The following HOTAIR variants were observed in gnomAD, a reference collection of about 807,000 sequenced individuals.
HOTAIR encodes HOX transcript antisense RNA.
At chr12:53,969,069 G>A (rs776422714) in intron 1 of HOTAIR, among the ~76,000 whole-genome samples, 9 of 152,218 alleles carry the variant, frequency 5.9e-5, no homozygotes, top group East Asian at 1.9e-4. Context: ...TCAGGGCTCC[G>A]GCCAACCCGC....
At chr12:53,969,807 C>T (rs1939118441) in intron 1 of HOTAIR, among the ~76,000 whole-genome samples, 1 of 152,184 alleles carries the variant, frequency 6.6e-6, no homozygotes, top group Admixed American at 6.5e-5. Context: ...TATGTGGGCC[C>T]CATTTCTTCT....
rs1939186144 is a variant in HOTAIR at position 53,973,504 on chromosome 12, G to T, written n.59+1394C>A. On this transcript the variant is annotated intron_variant and non_coding_transcript_variant, in intron 1 of 6. Transcript: ENST00000424518. This position sits in a 1 kb window ranked among gnomAD's most constrained non-coding sequence, Gnocchi z 4.3. Reference sequence around the variant, plus strand: ...TCCGGCAAGTGGCACCATCGGAACAGCTACTCCTCCTGCTATGCGGCGGCC... The same window carrying T: ...TCCGGCAAGTGGCACCATCGGAACATCTACTCCTCCTGCTATGCGGCGGCC... 6.2e-7 allele frequency: 1 copy of T among 1,613,914 alleles called. No homozygotes were observed. The highest frequency in any genetic ancestry group is 8.5e-7 in the Non-Finnish European group (1 of 1,180,036).
intron 1 of HOTAIR, chr12:53,974,063 A>T (rs992962178): frequency 3.1e-5 from 19 of 604,548 alleles, no homozygotes; most frequent in Non-Finnish European, 1.8e-5. Context: ...TTTTATAAGC[A>T]TTCAAAGGAT....
intron 1 of HOTAIR, among the ~76,000 whole-genome samples, chr12:53,969,711 G>A (rs756132801): frequency 5.9e-5 from 9 of 152,242 alleles, no homozygotes; most frequent in Non-Finnish European, 1.0e-4. Context: ...GTGAACAAAC[G>A]AGAGCGTCCA....
In HOTAIR at chr12:53,973,335, C is replaced by T. The variant is rs757003417; in HGVS notation, n.59+1563G>A. 1 of 1,614,138 alleles carries T rather than the reference C, an allele frequency of 6.2e-7. No individual in the cohort carries two copies. The highest frequency in any genetic ancestry group is 8.5e-7 in the Non-Finnish European group (1 of 1,180,016). On this transcript the variant is annotated intron_variant and non_coding_transcript_variant, in intron 1 of 6. Coordinates refer to ENST00000424518, the Ensembl canonical transcript of HOTAIR. The surrounding 1 kb of genome is among the most constrained non-coding windows in gnomAD (Gnocchi z 4.3). ...CGAGCGAGGGAGCTGCGCCTCCAACCTCTATCTGCCCAGTTGCACTTACTA... is the reference window on the plus strand; with the variant it reads ...CGAGCGAGGGAGCTGCGCCTCCAACTTCTATCTGCCCAGTTGCACTTACTA...
At chr12:53,969,092 G>A (rs1400904796) in intron 1 of HOTAIR, among the ~76,000 whole-genome samples, 1 of 152,240 alleles carries the variant, frequency 6.6e-6, no homozygotes, top group Non-Finnish European at 1.5e-5. Context: ...CTGCTCTGTG[G>A]TGAGGCGGGA....
chr12:53,974,871 A>C, intron 1 of HOTAIR: 1 of 283,106 alleles, frequency 3.5e-6, no homozygotes, highest in Non-Finnish European at 6.5e-6. Context: ...GGGAGCAGAC[A>C]GGGGGCCCGA....
rs954070060 is a variant in HOTAIR, at chr12:53,973,003, T to C, written n.59+1895A>G. On this transcript the variant is annotated intron_variant and non_coding_transcript_variant, in intron 1 of 6. Transcript: ENST00000424518. This position sits in a 1 kb window ranked among gnomAD's most constrained non-coding sequence, Gnocchi z 4.3. ...AATACAAATCTGCAATTGATTTTCA[T>C]AATGTTTCTGCGGTGTTTGCAAACC... 1.4e-5 allele frequency: 5 copies of C among 363,026 alleles called. No individual in the cohort carries two copies. The highest frequency in any genetic ancestry group is 1.1e-4 in the African/African-American group (5 of 47,004). The allele number at this position is 363,026 out of a possible 1,614,324, so 22.5% of individuals were successfully genotyped here. A position where few individuals can be genotyped will look rare whatever the true frequency, so the allele number is the denominator to read the frequency against.
chr12:53,971,134 A>T (rs1290065427), intron 1 of HOTAIR, among the ~76,000 whole-genome samples: 2 of 151,868 alleles, frequency 1.3e-5, no homozygotes, highest in African/African-American at 4.8e-5. Flanking sequence ...GCCCCATCTC[A>T]CTCTATAAAA....
At chr12:53,964,037 T>C (rs1247168509) in exon 7 of HOTAIR, 1 of 152,310 alleles carries the variant, frequency 6.6e-6, no homozygotes. Flanking sequence ...TTCACCTTCG[T>C]CTGGCGCTCT....
chr12:53,969,429 G>A (rs891272666), intron 1 of HOTAIR, among the ~76,000 whole-genome samples: 13 of 152,140 alleles, frequency 8.5e-5, no homozygotes, highest in African/African-American at 2.9e-4. Flanking sequence ...TCTGAGCAGC[G>A]TCCACCAGCT....
exon 7 of HOTAIR, chr12:53,962,372 G>A (rs554496458): frequency 3.7e-4 from 57 of 152,186 alleles, no homozygotes; most frequent in African/African-American, 1.3e-3. Context: ...ACCTACACAA[G>A]GAATGTGCAG....
At chr12:53,963,644 G>A (rs1938996037) in exon 7 of HOTAIR, 1 of 152,262 alleles carries the variant, frequency 6.6e-6, no homozygotes, top group Non-Finnish European at 1.5e-5. Flanking sequence ...AGAGGTGCTT[G>A]GCCAGCTCTC....
chr12:53,973,385 C>T lies in HOTAIR; in HGVS notation n.59+1513G>A. On this transcript the variant is annotated intron_variant and non_coding_transcript_variant, in intron 1 of 6. Coordinates refer to ENST00000424518, the Ensembl canonical transcript of HOTAIR. This position sits in a 1 kb window ranked among gnomAD's most constrained non-coding sequence, Gnocchi z 4.3. ...ACATGCCCGAGTTCTCCACGGTCTC[C>T]TCCTTCCTGCCCCAGGCCCCCTCTC... 1 of 1,614,232 alleles carries T rather than the reference C, an allele frequency of 6.2e-7. No homozygotes were observed. The highest frequency in any genetic ancestry group is 8.5e-7 in the Non-Finnish European group (1 of 1,180,048).
rs375305685 is a variant in HOTAIR, at chr12:53,974,805, G to A, written n.59+93C>T. On this transcript the variant is annotated intron_variant and non_coding_transcript_variant, in intron 1 of 6. Transcript: ENST00000424518. ...TTTCCCCCCAGATTTCTGGGGGAGGGGTTGGGCTTTCCGAACCACTAGGAG... is the reference window on the plus strand; with the variant it reads ...TTTCCCCCCAGATTTCTGGGGGAGGAGTTGGGCTTTCCGAACCACTAGGAG... 139 of 185,228 alleles carry A rather than the reference G, an allele frequency of 7.5e-4. No individual in the cohort carries two copies. In the East Asian group the frequency reaches 0.016, roughly 22 times the overall value. 11.5% of individuals were successfully genotyped at this position (185,228 alleles called of 1,614,324 possible). A position where few individuals can be genotyped will look rare whatever the true frequency, so the allele number is the denominator to read the frequency against.
intron 1 of HOTAIR, among the ~76,000 whole-genome samples, chr12:53,972,183 G>A (rs1055415290): frequency 1.3e-5 from 2 of 152,146 alleles, no homozygotes; most frequent in Admixed American, 6.5e-5. Flanking sequence ...TCTTTTCAGC[G>A]CACTAGCTGA....
chr12:53,965,764 G>C (rs775658314), intron 5 of HOTAIR, among the ~76,000 whole-genome samples: 5 of 151,888 alleles, frequency 3.3e-5, no homozygotes, highest in Non-Finnish European at 7.4e-5. Context: ...AAATGAAAAG[G>C]AAAAGACAGA....
rs187953822 is a variant in HOTAIR at position 53,969,806 on chromosome 12, C to T, written n.60-1050G>A. Among the ~76,000 whole-genome samples the T allele has an allele frequency of 1.6e-3, 250 of 152,280 alleles. 1 individual carries two copies. Among genetic ancestry groups the T allele is most frequent in the Middle Eastern group, 3.4e-3 (1 of 294 alleles). ...CAAGCCCACTGGAGCATATGTGGGC[C>T]CCATTTCTTCTTTCAGCATTTTCCT... On this transcript the variant is annotated intron_variant and non_coding_transcript_variant, in intron 1 of 6. Coordinates refer to ENST00000424518, the Ensembl canonical transcript of HOTAIR.
rs1253044852 is a variant in HOTAIR, at chr12:53,973,355, T to G, written n.59+1543A>C. 6.2e-7 allele frequency: 1 copy of G among 1,614,002 alleles called. No individual in the cohort carries two copies. Among genetic ancestry groups the G allele is most frequent in the East Asian group, 2.2e-5 (1 of 44,822 alleles). On this transcript the variant is annotated intron_variant and non_coding_transcript_variant, in intron 1 of 6. Coordinates refer to ENST00000424518, the Ensembl canonical transcript of HOTAIR. This position sits in a 1 kb window ranked among gnomAD's most constrained non-coding sequence, Gnocchi z 4.3. ...CCAACCTCTATCTGCCCAGTTGCACTTACTACATGCCCGAGTTCTCCACGG... is the reference window on the plus strand; with the variant it reads ...CCAACCTCTATCTGCCCAGTTGCACGTACTACATGCCCGAGTTCTCCACGG...
Sources: allele counts gnomAD v4.1 joint callset (sites outside exome capture counted in the v4.1 genomes callset), GRCh38; gene constraint gnomAD v4.1.1; non-coding constraint Gnocchi (gnomAD v3.1); transcripts MANE v1.5; gene names NCBI Gene and HGNC (gene_info 2026-07-23, HGNC 2026-07-21).